Variants in TNIP1 observed in about 807,000 individuals in gnomAD.
TNIP1 encodes TNFAIP3-interacting protein 1.
A neutral mutation model predicts 86.6 loss-of-function variants in TNIP1; 22 were observed. The ratio of observed to expected loss-of-function variants is 0.25; its 90% confidence interval spans 0.18 to 0.36. TNIP1 has a LOEUF of 0.36. Ranked by LOEUF, TNIP1 falls within the 10% of genes least tolerant of loss-of-function variation. The probability of loss-of-function intolerance (pLI) is 1.00; values close to 1 mark genes in which losing one functional copy is unlikely to be tolerated. For synonymous variants in TNIP1, 294 were observed against 313.0 expected, an observed-to-expected ratio of 0.94 and a Z score of 0.64; for missense variants, 709 against 820.6, an observed-to-expected ratio of 0.86 and a Z score of 1.66.
At chr5:151,070,675 T>C (rs4958881) in intron 1 of TNIP1, among the ~76,000 whole-genome samples, 30,861 of 152,154 alleles carry the variant, frequency 0.2, 4,713 homozygotes, top group African/African-American at 0.44. Context: ...GGAAGTGAGA[T>C]GCCATGATAT....
rs1455558307 is a variant in TNIP1, at chr5:151,065,137, A to G, written c.-36-6T>C. On this transcript the variant is annotated splice_polypyrimidine_tract_variant and splice_region_variant and intron_variant, in intron 1 of 17. Transcript: ENST00000521591. ...CTGCCGTGGTGCCCGCCTGGCTGTAAGGACAACAGCAGCATATCAGCAGGC... is the reference window on the plus strand; with the variant it reads ...CTGCCGTGGTGCCCGCCTGGCTGTAGGGACAACAGCAGCATATCAGCAGGC... 4 of 1,601,380 alleles carry G rather than the reference A, an allele frequency of 2.5e-6. No individual in the cohort carries two copies. The highest frequency in any genetic ancestry group is 1.7e-5 in the Admixed American group (1 of 59,724).
chr5:151,064,063 C>T (rs1405315932), intron 2 of TNIP1, among the ~76,000 whole-genome samples: 2 of 152,154 alleles, frequency 1.3e-5, no homozygotes, highest in African/African-American at 4.8e-5. Flanking sequence ...CCAGGGCACT[C>T]CACAGAAAGC....
In TNIP1 at chr5:151,045,281, G is replaced by C. The variant is rs997151837; in HGVS notation, c.936+580C>G. 7.2e-5 allele frequency among the ~76,000 whole-genome samples: 11 copies of C among 152,146 alleles called. 1 individual carries two copies. Among genetic ancestry groups the C allele is most frequent in the Admixed American group, 6.5e-4 (10 of 15,280 alleles). ...TTTTTTGTATTTTTAGTAGGCACAGGGTTTCGCCATGTTGGCCAGGTTGGT... is the reference window on the plus strand; with the variant it reads ...TTTTTTGTATTTTTAGTAGGCACAGCGTTTCGCCATGTTGGCCAGGTTGGT... On this transcript the variant is annotated intron_variant, in intron 9 of 17. Transcript: ENST00000521591.
In TNIP1 at chr5:151,040,509, C is replaced by T. The variant is rs1011758787; in HGVS notation, c.1135-1284G>A. Among the ~76,000 whole-genome samples, 5 of 152,208 alleles carry T rather than the reference C, an allele frequency of 3.3e-5. No individual in the cohort carries two copies. The East Asian group carries it at 9.7e-4, about 29-fold the overall frequency. On this transcript the variant is annotated intron_variant, in intron 11 of 17. Coordinates refer to ENST00000521591, the MANE Select transcript of TNIP1 (RefSeq NM_006058.5). ...CCGAAATTCATCCTTATCTACAGGG[C>T]CACGCCTTGTCATGAAACGTCCTAC...
At chr5:151,040,300 T>G (rs1352448923) in intron 11 of TNIP1, among the ~76,000 whole-genome samples, 1 of 152,248 alleles carries the variant, frequency 6.6e-6, no homozygotes, top group Non-Finnish European at 1.5e-5. Context: ...CTTTGTAGCA[T>G]GTGGACATTT....
In TNIP1 at chr5:151,075,377, C is replaced by T. The variant is rs539583971; in HGVS notation, c.-37+5503G>A. Among the ~76,000 whole-genome samples the T allele has an allele frequency of 4.6e-5, 7 of 151,814 alleles. No individual in the cohort carries two copies. The South Asian group carries it at 1.0e-3, about 23-fold the overall frequency. On this transcript the variant is annotated intron_variant, in intron 1 of 17. Transcript: ENST00000521591. ...TCTGCTTCAACTTTTATTTTAGATTCGGGGGGTACATGTGCAGGTTTGCTA... is the reference window on the plus strand; with the variant it reads ...TCTGCTTCAACTTTTATTTTAGATTTGGGGGGTACATGTGCAGGTTTGCTA...
intron 1 of TNIP1, among the ~76,000 whole-genome samples, chr5:151,078,929 G>A (rs1297372237): frequency 6.6e-6 from 1 of 152,160 alleles, no homozygotes; most frequent in Admixed American, 6.5e-5. Context: ...AGGACATCCG[G>A]GCCCCAAGTC....
At position 151,074,919 on chromosome 5, in the gene TNIP1, A is replaced by G. The variant is rs1763211578; in HGVS notation, c.-37+5961T>C. ...TAGCCTCTCAAGTAGCTGGAACTAC[A>G]GGCATGCGCCACCACACCCAGCTAA... On this transcript the variant is annotated intron_variant, in intron 1 of 17. Coordinates refer to ENST00000521591, the MANE Select transcript of TNIP1 (RefSeq NM_006058.5). 4.6e-5 allele frequency among the ~76,000 whole-genome samples: 7 copies of G among 152,310 alleles called. 1 individual carries two copies. The South Asian group carries it at 1.4e-3, about 32-fold the overall frequency.
upstream of TNIP1, chr5:151,087,449 G>A (rs943573387): frequency 1.3e-5 from 2 of 152,432 alleles, no homozygotes; most frequent in Non-Finnish European, 2.9e-5. Context: ...GAATGGGCTG[G>A]GGCAACCTGG....
intron 5 of TNIP1, among the ~76,000 whole-genome samples, chr5:151,058,286 C>G (rs1022904345): frequency 6.6e-6 from 1 of 152,224 alleles, no homozygotes; most frequent in Non-Finnish European, 1.5e-5. Context: ...AGACTCAAAA[C>G]AGTTTAAGGA....
chr5:151,052,681 C>G (rs1270080009), intron 6 of TNIP1, among the ~76,000 whole-genome samples: 1 of 152,252 alleles, frequency 6.6e-6, no homozygotes, highest in African/African-American at 2.4e-5. Flanking sequence ...ACTCCGTTAT[C>G]CTTGCTCACA....
intron 5 of TNIP1, among the ~76,000 whole-genome samples, chr5:151,058,736 G>T (rs1761004981): frequency 6.6e-6 from 1 of 152,208 alleles, no homozygotes; most frequent in African/African-American, 2.4e-5. Context: ...GAGCTACAGG[G>T]AGCCTCAGAG....
intron 15 of TNIP1, among the ~76,000 whole-genome samples, chr5:151,034,078 C>T (rs575164046): frequency 8.7e-5 from 13 of 148,636 alleles, no homozygotes; most frequent in South Asian, 4.3e-4. Context: ...TACATGGGCA[C>T]GGAAGGCTGG....
upstream of TNIP1, among the ~76,000 whole-genome samples, chr5:151,083,409 C>T (rs1764156982): frequency 6.6e-6 from 1 of 152,194 alleles, no homozygotes; most frequent in Admixed American, 6.5e-5. Flanking sequence ...CGCCATCCCA[C>T]CATACACATC....
intron 7 of TNIP1, 121 bp downstream of exon 7, chr5:151,052,044 A>G: frequency 1.3e-6 from 1 of 786,894 alleles, no homozygotes; most frequent in Non-Finnish European, 2.0e-6. Flanking sequence ...TAACCTCCAA[A>G]TAGGGCTCTG....
intron 7 of TNIP1, among the ~76,000 whole-genome samples, chr5:151,050,299 G>A (rs1434720650): frequency 2.0e-5 from 3 of 151,978 alleles, no homozygotes; most frequent in African/African-American, 4.8e-5. Flanking sequence ...CCACGGAGAC[G>A]GTGCGAGCTT....
rs753225612 is a variant in TNIP1 at position 151,042,975 on chromosome 5, C to T, written c.937-14G>A. 1.9e-6 allele frequency: 3 copies of T among 1,614,056 alleles called. No individual in the cohort carries two copies. Among genetic ancestry groups the T allele is most frequent in the Non-Finnish European group, 8.5e-7 (1 of 1,179,956 alleles). ...CACTTCCAGCAGCTGTGGGGAGAGA[C>T]TGGAGTTAGCAGGAGATGAGCAGAG... On this transcript the variant is annotated splice_polypyrimidine_tract_variant and intron_variant, in intron 9 of 17. Transcript: ENST00000521591.
At chr5:151,059,284 G>A (rs1761076203) in intron 5 of TNIP1, among the ~76,000 whole-genome samples, 1 of 152,354 alleles carries the variant, frequency 6.6e-6, no homozygotes, top group Non-Finnish European at 1.5e-5. Context: ...AGAGCCCTCA[G>A]GGACAGAACA....
At chr5:151,059,757 C>A (rs1428759258) in intron 5 of TNIP1, among the ~76,000 whole-genome samples, 1 of 139,208 alleles carries the variant, frequency 7.2e-6, no homozygotes, top group East Asian at 2.2e-4. Flanking sequence ...GCTGGGCAGA[C>A]GCTCCAGAGC....
Sources: allele counts gnomAD v4.1 joint callset (sites outside exome capture counted in the v4.1 genomes callset), GRCh38; gene constraint gnomAD v4.1.1; transcripts MANE v1.5; gene names NCBI Gene and HGNC (gene_info 2026-07-23, HGNC 2026-07-21).